ZNF624: variants seen among roughly 807,000 people sequenced by gnomAD.
ZNF624 encodes zinc finger protein 624.
Under a neutral mutation model 74.7 loss-of-function variants are expected in ZNF624, and 43 were observed. The observed-to-expected ratio is 0.58, with a 90% CI of 0.45 to 0.74. The LOEUF is 0.74. ZNF624 is among the 30% of genes least tolerant of loss of function. ZNF624 has a pLI of 0.00. For synonymous variants in ZNF624, 331 were observed against 341.3 expected, an observed-to-expected ratio of 0.97 and a Z score of 0.33; for missense variants, 820 against 1,030.0, an observed-to-expected ratio of 0.80 and a Z score of 2.79.
At chr17:16,638,485 G>A (rs1264355710) in intron 3 of ZNF624, among the ~76,000 whole-genome samples, 1 of 152,124 alleles carries the variant, frequency 6.6e-6, no homozygotes, top group Non-Finnish European at 1.5e-5. Flanking sequence ...ACGATAGACT[G>A]GATTAAGAAA....
At chr17:16,616,827 A>T (rs1411555852), downstream of ZNF624, 4 of 1,045,666 alleles carry the variant, frequency 3.8e-6, no homozygotes, top group East Asian at 9.5e-5. Context: ...AATAGTGTGC[A>T]GACAACAAGA....
At chr17:16,633,416 C>T (rs2142602255) in intron 5 of ZNF624, among the ~76,000 whole-genome samples, 1 of 152,148 alleles carries the variant, frequency 6.6e-6, no homozygotes, top group East Asian at 1.9e-4. Flanking sequence ...TTTCTGTAGC[C>T]TTGCAGGTGA....
chr17:16,647,489 G>A, intron 2 of ZNF624, 95 bp from the exon 3 acceptor site: 1 of 1,006,858 alleles, frequency 9.9e-7, no homozygotes, highest in South Asian at 1.3e-5. Context: ...TGGATGCAGT[G>A]TATACAGGAT....
intron 3 of ZNF624, among the ~76,000 whole-genome samples, chr17:16,642,746 G>T (rs1909496355): frequency 6.6e-6 from 1 of 152,102 alleles, no homozygotes; most frequent in East Asian, 1.9e-4. Context: ...AAGAATGTAA[G>T]AAAATATTTA....
intron 5 of ZNF624, among the ~76,000 whole-genome samples, chr17:16,631,962 C>G (rs952413738): frequency 1.3e-5 from 2 of 152,158 alleles, no homozygotes; most frequent in African/African-American, 4.8e-5. Context: ...TATGAACAGT[C>G]CTAAGTACTA....
chr17:16,635,269 TA>T lies in ZNF624; in HGVS notation c.154-514del, dbSNP rs553533038. Among the ~76,000 whole-genome samples the T allele has an allele frequency of 3.0e-3, 458 of 151,858 alleles. 5 individuals carry two copies. The highest frequency in any genetic ancestry group is 0.01 in the African/African-American group (434 of 41,434). ...AAGCTTTCTCTTTGAAAAAGAAAAATAAAAAAAATCGAGGAACTTTGGGTAA... is the reference window on the plus strand; with the variant it reads ...AAGCTTTCTCTTTGAAAAAGAAAAATAAAAAAATCGAGGAACTTTGGGTAA... On this transcript the variant is annotated intron_variant, in intron 3 of 5. Coordinates refer to ENST00000311331, the MANE Select transcript of ZNF624 (RefSeq NM_020787.4).
chr17:16,622,596 C>G lies in ZNF624; in HGVS notation c.2290G>C (p.Gly764Arg), dbSNP rs1412723198. Reference sequence around the variant, plus strand: ...CTCCAATGCACTGTAAGGTAAGAACCCCTCCTGAAGGCTTTTCCACAGACA... The same window carrying G: ...CTCCAATGCACTGTAAGGTAAGAACGCCTCCTGAAGGCTTTTCCACAGACA... ...CDVCGKAFRR[G>R]SYLTVHWRTH... is the part of the protein sequence containing the mutation. Residue 764 changes from glycine (G) to arginine (R), a missense_variant, in exon 6 of 6, where the codon GGT becomes CGT. Gly to Arg is a moderately radical substitution (Grantham distance 125, BLOSUM62 -2). Coordinates refer to ENST00000311331, the MANE Select transcript of ZNF624 (RefSeq NM_020787.4). 6.2e-7 allele frequency: 1 copy of G among 1,613,150 alleles called. No homozygotes were observed. Among genetic ancestry groups the G allele is most frequent in the Admixed American group, 1.7e-5 (1 of 59,956 alleles).
At chr17:16,632,473 G>A (rs1216371000) in intron 5 of ZNF624, among the ~76,000 whole-genome samples, 1 of 151,452 alleles carries the variant, frequency 6.6e-6, no homozygotes, top group Non-Finnish European at 1.5e-5. Flanking sequence ...TTCCCTCTTC[G>A]TAGGGGAAAA....
intron 5 of ZNF624, among the ~76,000 whole-genome samples, chr17:16,632,552 T>G (rs1358187914): frequency 6.6e-6 from 1 of 152,252 alleles, no homozygotes; most frequent in Non-Finnish European, 1.5e-5. Flanking sequence ...CTTTTAAGTA[T>G]AAATAATATC....
intron 3 of ZNF624, among the ~76,000 whole-genome samples, chr17:16,640,524 GA>G (rs747914893): frequency 4.6e-5 from 7 of 151,002 alleles, no homozygotes; most frequent in African/African-American, 1.2e-4. Flanking sequence ...GAGTGACTAA[GA>G]AAAAAAAGAG....
chr17:16,629,562 T>TTTAC (rs899177916), intron 5 of ZNF624, among the ~76,000 whole-genome samples: 7 of 151,914 alleles, frequency 4.6e-5, no homozygotes, highest in Non-Finnish European at 7.4e-5. Context: ...TATTTATTTA[T>TTTAC]TTACTTACTT....
At chr17:16,615,188 C>G in the ZNF624 span, among the ~76,000 whole-genome samples, 1 of 152,168 alleles carries the variant, frequency 6.6e-6, no homozygotes, top group East Asian at 1.9e-4. Context: ...AGCTCCGCCT[C>G]CCGGGTTCAG....
At chr17:16,636,711 C>T (rs898989273) in intron 3 of ZNF624, among the ~76,000 whole-genome samples, 1 of 151,990 alleles carries the variant, frequency 6.6e-6, no homozygotes, top group African/African-American at 2.4e-5. Flanking sequence ...TGGCGGGTGC[C>T]TGTAGTCCCA....
At chr17:16,625,152 C>T (rs1909040033) in intron 5 of ZNF624, among the ~76,000 whole-genome samples, 1 of 151,968 alleles carries the variant, frequency 6.6e-6, no homozygotes, top group East Asian at 1.9e-4. Flanking sequence ...CTCCACAAAC[C>T]AGACTTTAGT....
chr17:16,628,536 T>C (rs77100444), intron 5 of ZNF624, among the ~76,000 whole-genome samples: 11,254 of 152,118 alleles, frequency 0.074, 576 homozygotes, highest in Middle Eastern at 0.19. Flanking sequence ...AAGAGCACAA[T>C]AGAGACAGCA....
rs1306880505 is a variant in ZNF624, at chr17:16,622,627, C to CT, written c.2258dup (p.Cys754ValfsTer2). ...TGAAGGCTTTTCCACAGACATCACACTTATAGGGCTTCTCTCCACTATGGA... is the reference window on the plus strand; with the variant it reads ...TGAAGGCTTTTCCACAGACATCACACTTTATAGGGCTTCTCTCCACTATGGA... On this transcript the variant is annotated frameshift_variant, in exon 6 of 6. Coordinates refer to ENST00000311331, the MANE Select transcript of ZNF624 (RefSeq NM_020787.4). LOFTEE classifies it high-confidence loss of function. 8.7e-6 allele frequency: 14 copies of CT among 1,613,940 alleles called. No individual in the cohort carries two copies. The South Asian group carries it at 1.4e-4, about 16-fold the overall frequency.
At chr17:16,619,639 G>A (rs1453619726), downstream of ZNF624, among the ~76,000 whole-genome samples, 1 of 152,224 alleles carries the variant, frequency 6.6e-6, no homozygotes, top group South Asian at 2.1e-4. Context: ...ATGGAATAGC[G>A]GCATGCACAA....
At chr17:16,638,852 A>G (rs1051967746) in intron 3 of ZNF624, among the ~76,000 whole-genome samples, 1 of 152,220 alleles carries the variant, frequency 6.6e-6, no homozygotes. Context: ...AACTTAAAGT[A>G]TAACAATAAT....
intron 5 of ZNF624, 42 bp downstream of exon 5, chr17:16,633,820 T>C (rs1235769223): frequency 6.8e-6 from 10 of 1,466,824 alleles, no homozygotes; most frequent in Non-Finnish European, 8.6e-6. Context: ...TATAGTCTGT[T>C]ACTTCAAATA....
Sources: gnomAD v4.1 joint callset for allele counts (sites outside exome capture counted in the v4.1 genomes callset) on GRCh38, gnomAD v4.1.1 for gene constraint, MANE v1.5 for transcripts, NCBI Gene and HGNC (gene_info 2026-07-23, HGNC 2026-07-21) for gene names.